Variants in MARCHF1 observed in about 807,000 individuals in gnomAD.
MARCHF1 encodes the protein E3 ubiquitin-protein ligase MARCHF1.
MARCHF1 carries 40 observed loss-of-function variants against 54.2 expected under a neutral mutation model. That is an observed-to-expected ratio of 0.74 (90% confidence interval 0.57 to 0.96). MARCHF1 has a LOEUF of 0.96. MARCHF1 is among the 40% of genes least tolerant of loss of function. The probability of loss-of-function intolerance (pLI) is 0.00; values close to 1 mark genes in which losing one functional copy is unlikely to be tolerated. For synonymous variants in MARCHF1, 236 were observed against 236.3 expected, an observed-to-expected ratio of 1.00 and a Z score of 0.01; for missense variants, 586 against 656.5, an observed-to-expected ratio of 0.89 and a Z score of 1.17.
At chr4:163,631,648 T>A (rs376054664) in intron 5 of MARCHF1, among the ~76,000 whole-genome samples, 23 of 152,258 alleles carry the variant, frequency 1.5e-4, no homozygotes, top group African/African-American at 5.1e-4. Context: ...TACGTAAATA[T>A]AAACAATACA....
At chr4:163,834,387 T>C (rs1414671142) in intron 4 of MARCHF1, among the ~76,000 whole-genome samples, 1 of 152,188 alleles carries the variant, frequency 6.6e-6, no homozygotes, top group Non-Finnish European at 1.5e-5. Flanking sequence ...ATTTATTATA[T>C]TTTCTCAATC....
At chr4:164,088,135 G>A (rs575412160) in intron 2 of MARCHF1, among the ~76,000 whole-genome samples, 7 of 152,232 alleles carry the variant, frequency 4.6e-5, no homozygotes, top group African/African-American at 1.4e-4. Flanking sequence ...GTGAAATAAC[G>A]TTAAAAATGT....
intron 2 of MARCHF1, among the ~76,000 whole-genome samples, chr4:164,086,157 C>T (rs1755188723): frequency 6.6e-6 from 1 of 151,682 alleles, no homozygotes; most frequent in African/African-American, 2.4e-5. Context: ...AAACAAATTA[C>T]TTTTTCCCTC....
chr4:163,574,599 A>G (rs1739972581), intron 8 of MARCHF1, among the ~76,000 whole-genome samples: 1 of 146,966 alleles, frequency 6.8e-6, no homozygotes, highest in African/African-American at 2.5e-5. Flanking sequence ...TGTTTTTCTC[A>G]GGTTTGTCAA....
intron 3 of MARCHF1, among the ~76,000 whole-genome samples, chr4:163,855,907 A>G (rs1422140277): frequency 1.3e-5 from 2 of 152,180 alleles, no homozygotes; most frequent in Non-Finnish European, 2.9e-5. Context: ...TTAGGTACTG[A>G]AGCAGGAATA....
intron 2 of MARCHF1, among the ~76,000 whole-genome samples, chr4:164,015,223 A>C (rs1356713523): frequency 6.6e-6 from 1 of 152,166 alleles, no homozygotes; most frequent in Non-Finnish European, 1.5e-5. Flanking sequence ...ATCTCCAATA[A>C]ATAGTGCTAG....
At chr4:163,915,355 C>T (rs893714021) in intron 3 of MARCHF1, among the ~76,000 whole-genome samples, 2 of 151,924 alleles carry the variant, frequency 1.3e-5, no homozygotes, top group Admixed American at 6.6e-5. Flanking sequence ...AATGTAAAAA[C>T]TCCAAATAGA....
intron 5 of MARCHF1, among the ~76,000 whole-genome samples, chr4:163,671,706 C>T (rs1484395101): frequency 6.6e-6 from 1 of 151,880 alleles, no homozygotes; most frequent in Non-Finnish European, 1.5e-5. Context: ...TTTAAGTATG[C>T]ATATATTAAA....
chr4:163,626,868 A>T (rs1741889781), intron 5 of MARCHF1, among the ~76,000 whole-genome samples: 1 of 152,122 alleles, frequency 6.6e-6, no homozygotes, highest in Non-Finnish European at 1.5e-5. Context: ...TGGAGGTTGC[A>T]GTGAGCGAGA....
chr4:163,935,802 T>G (rs1751784101), intron 3 of MARCHF1, among the ~76,000 whole-genome samples: 1 of 151,914 alleles, frequency 6.6e-6, no homozygotes. Flanking sequence ...ATGCTGGTGT[T>G]TTGCTTTCTT....
At chr4:163,951,124 A>T (rs1471946661) in intron 3 of MARCHF1, among the ~76,000 whole-genome samples, 4 of 152,226 alleles carry the variant, frequency 2.6e-5, no homozygotes, top group Non-Finnish European at 4.4e-5. Context: ...TTTAGATGAA[A>T]TGAGAAAAAC....
At chr4:163,793,807 C>T (rs761464282) in intron 4 of MARCHF1, among the ~76,000 whole-genome samples, 5 of 152,118 alleles carry the variant, frequency 3.3e-5, no homozygotes, top group Non-Finnish European at 5.9e-5. Flanking sequence ...GTCACGTACC[C>T]CCTGCTTGCT....
In MARCHF1 at chr4:164,197,444, A is replaced by T. The variant is rs61734694; in HGVS notation, c.-322-85782T>A. ...TCTTTAATTTTGTTGCCACTTAAAT[A>T]TAGATGCGTGAGGTTTGGACACTTT... On this transcript the variant is annotated intron_variant, in intron 1 of 9. Coordinates refer to ENST00000514618, the MANE Select transcript of MARCHF1 (RefSeq NM_001394959.1). The T allele has an allele frequency of 2.2e-3, 3,492 of 1,613,646 alleles. 71 individuals are homozygous for T. The African/African-American group carries it at 0.042, about 20-fold the overall frequency.
chr4:163,902,791 T>C (rs1188559537), intron 3 of MARCHF1, among the ~76,000 whole-genome samples: 3 of 152,204 alleles, frequency 2.0e-5, no homozygotes. Flanking sequence ...TGCAAATAAA[T>C]GCTTTTTTTA....
At chr4:163,562,125 C>T (rs951704402) in intron 8 of MARCHF1, among the ~76,000 whole-genome samples, 1 of 151,898 alleles carries the variant, frequency 6.6e-6, no homozygotes, top group Admixed American at 6.6e-5. Flanking sequence ...GGTGAAACCC[C>T]GTCTCTACTA....
intron 4 of MARCHF1, among the ~76,000 whole-genome samples, chr4:163,738,008 A>G (rs985649120): frequency 2.0e-5 from 3 of 152,210 alleles, no homozygotes; most frequent in African/African-American, 4.8e-5. Context: ...TGCTTCCGGA[A>G]GCAGTTTAGG....
chr4:163,844,537 C>T (rs557015592), intron 4 of MARCHF1, among the ~76,000 whole-genome samples: 13 of 152,140 alleles, frequency 8.5e-5, no homozygotes, highest in Admixed American at 2.0e-4. Flanking sequence ...AGGATTGTGT[C>T]TTTAAAAAAA....
At chr4:163,956,307 G>GT (rs1160568668) in intron 3 of MARCHF1, among the ~76,000 whole-genome samples, 3 of 152,098 alleles carry the variant, frequency 2.0e-5, no homozygotes, top group African/African-American at 7.2e-5. Context: ...CTAACATATA[G>GT]TAAGTGTTCA....
At chr4:163,584,114 T>A (rs56225607) in intron 8 of MARCHF1, 1 of 150,552 alleles carries the variant, frequency 6.6e-6, no homozygotes, top group Non-Finnish European at 1.5e-5. Flanking sequence ...CAGGGTATAC[T>A]AGATACTACA....
Sources: allele counts gnomAD v4.1 joint callset (sites outside exome capture counted in the v4.1 genomes callset), GRCh38; gene constraint gnomAD v4.1.1; transcripts MANE v1.5; gene names NCBI Gene and HGNC (gene_info 2026-07-23, HGNC 2026-07-21).